Variants in LTBP3 observed in about 807,000 individuals in gnomAD.
The protein encoded by LTBP3 is latent-transforming growth factor beta-binding protein 3.
Under a neutral mutation model 159.7 loss-of-function variants are expected in LTBP3, and 97 were observed. That is an observed-to-expected ratio of 0.61 (90% CI 0.52 to 0.72). The LOEUF (loss-of-function observed/expected upper bound fraction) is 0.72. Ranked by LOEUF, LTBP3 falls within the 30% of genes least tolerant of loss-of-function variation. LTBP3 has a pLI of 0.00. For missense variants in LTBP3, 1,584 were observed against 1,864.3 expected, an observed-to-expected ratio of 0.85 and a Z score of 2.77; for synonymous variants, 824 against 777.1, an observed-to-expected ratio of 1.06 and a Z score of -1.00.
chr11:65,555,876 T>TATCC (rs1175414733), intron 1 of LTBP3, among the ~76,000 whole-genome samples: 1 of 152,100 alleles, frequency 6.6e-6, no homozygotes, highest in Non-Finnish European at 1.5e-5. Context: ...GGACAGCCCA[T>TATCC]ATCCATGGCC....
At chr11:65,544,858 A>G (rs1856300404) in intron 16 of LTBP3, 1 of 151,438 alleles carries the variant, frequency 6.6e-6, no homozygotes, top group African/African-American at 2.4e-5. Context: ...CTCCTGGTCC[A>G]CTCTCCTGGC....
In LTBP3 at chr11:65,541,804, G is replaced by A; in HGVS notation, c.2597-76C>T. 4 of 1,552,654 alleles carry A rather than the reference G, an allele frequency of 2.6e-6. No individual in the cohort carries two copies. In the East Asian group the frequency reaches 6.9e-5, roughly 27 times the overall value. On this transcript the variant is annotated intron_variant, in intron 18 of 27. Coordinates refer to ENST00000301873, the MANE Select transcript of LTBP3 (RefSeq NM_001130144.3). Reference sequence around the variant, plus strand: ...GCTGCACCTCAAGGGCCTCACACAAGTTCAGAACCTGAATTTCCACTTTGG... The same window carrying A: ...GCTGCACCTCAAGGGCCTCACACAAATTCAGAACCTGAATTTCCACTTTGG...
At chr11:65,539,300 C>T (rs1590754880) in intron 27 of LTBP3, 28 bp downstream of exon 27, 1 of 1,510,866 alleles carries the variant, frequency 6.6e-7, no homozygotes, top group East Asian at 2.7e-5. Context: ...GGCCCCGCCC[C>T]TGCCCCCACC....
chr11:65,546,643 C>T lies in LTBP3; in HGVS notation c.2231-79G>A. The stretch of plus-strand genomic sequence containing the variant: ...CACCTCGCGGGGGTGTGGGTCTCTT[C>T]CCTGGAACGCGGGGTTGAGAGGGCA... On this transcript the variant is annotated intron_variant, in intron 15 of 27. Transcript: ENST00000301873. The surrounding 1 kb of genome is among the most constrained non-coding windows in gnomAD (Gnocchi z 4.0). 6.3e-7 allele frequency: 1 copy of T among 1,586,844 alleles called. No individual in the cohort carries two copies. Among genetic ancestry groups the T allele is most frequent in the Admixed American group, 1.7e-5 (1 of 58,822 alleles).
Position 65,554,386 on chromosome 11 carries a change from G to A in LTBP3, c.332-6C>T, listed in dbSNP as rs756329135. On this transcript the variant is annotated splice_polypyrimidine_tract_variant and splice_region_variant and intron_variant, in intron 1 of 27. Coordinates refer to ENST00000301873, the MANE Select transcript of LTBP3 (RefSeq NM_001130144.3). The surrounding 1 kb of genome is among the most constrained non-coding windows in gnomAD (Gnocchi z 5.3). ...GCAGGGGAGAGGGCACACCACTGGG[G>A]AGAAGAGTGGGGTCAGGCCCTCACC... 76 of 1,608,614 alleles carry A rather than the reference G, an allele frequency of 4.7e-5. No homozygotes were observed. The highest frequency in any genetic ancestry group is 6.2e-5 in the Non-Finnish European group (73 of 1,177,810).
chr11:65,538,576 G>A lies in LTBP3; in HGVS notation c.*504C>T, dbSNP rs1855854886. 1 of 1,607,696 alleles carries A rather than the reference G, an allele frequency of 6.2e-7. No homozygotes were observed. Among genetic ancestry groups the A allele is most frequent in the Non-Finnish European group, 8.5e-7 (1 of 1,177,184 alleles). On this transcript the variant is annotated 3_prime_UTR_variant, in exon 28 of 28. Coordinates refer to ENST00000301873, the MANE Select transcript of LTBP3 (RefSeq NM_001130144.3). Reference sequence around the variant, plus strand: ...CCGGAAGCTGGACTGAACCGTGGCGGTGGCCCTTCCCGGCTGCGGAGAGCC... The same window carrying A: ...CCGGAAGCTGGACTGAACCGTGGCGATGGCCCTTCCCGGCTGCGGAGAGCC...
rs371172556 is a variant in LTBP3, at chr11:65,553,270, A to G, written c.971-14T>C. The G allele has an allele frequency of 3.7e-6, 6 of 1,609,808 alleles. No individual in the cohort carries two copies. The African/African-American group carries it at 8.0e-5, about 22-fold the overall frequency. On this transcript the variant is annotated splice_polypyrimidine_tract_variant and intron_variant, in intron 4 of 27. Transcript: ENST00000301873. The surrounding 1 kb of genome is among the most constrained non-coding windows in gnomAD (Gnocchi z 6.5). The stretch of plus-strand genomic sequence containing the variant: ...GCACTCCTGTGTCTGCAGAGAGAGG[A>G]TAGCTTGGCAGGGGAGGGTGAGGAG...
chr11:65,543,473 C>A lies in LTBP3; in HGVS notation c.2430G>T (p.Gln810His), dbSNP rs1284246977. The change falls in exon 17 of 28, where the codon CAG becomes CAT. Residue 810 changes from glutamine (Q) to histidine (H), a missense_variant. Transcript: ENST00000301873. ...CSNTPGSFQC[Q>H]CLSGYHLSRD... ...TGGACAGATGGTAGCCAGAGAGGCACTGACACTGGAAAGATCCTGGCGTGT... is the reference window on the plus strand; with the variant it reads ...TGGACAGATGGTAGCCAGAGAGGCAATGACACTGGAAAGATCCTGGCGTGT... 2 of 1,614,144 alleles carry A rather than the reference C, an allele frequency of 1.2e-6. No individual in the cohort carries two copies. The highest frequency in any genetic ancestry group is 1.7e-6 in the Non-Finnish European group (2 of 1,179,992).
In LTBP3 at chr11:65,543,450, G is replaced by C; in HGVS notation, c.2453C>G (p.Ser818Cys). The change falls in exon 17 of 28, where the codon TCC becomes TGC. Residue 818 changes from serine (S) to cysteine (C), a missense_variant. Physicochemically the swap from Ser to Cys is moderately radical, Grantham distance 112. Coordinates refer to ENST00000301873, the MANE Select transcript of LTBP3 (RefSeq NM_001130144.3). ...QCQCLSGYHL[S>C]RDRSHCEDID... is the part of the protein sequence containing the mutation. ...ACCCTCGCAGTGGCTCCGGTCCCTG[G>C]ACAGATGGTAGCCAGAGAGGCACTG... The C allele has an allele frequency of 6.2e-7, 1 of 1,614,112 alleles. No individual in the cohort carries two copies.
chr11:65,546,242 A>G lies in LTBP3; in HGVS notation c.2353+200T>C. 1.6e-6 allele frequency: 1 copy of G among 644,592 alleles called. No homozygotes were observed. The highest frequency in any genetic ancestry group is 2.5e-6 in the Non-Finnish European group (1 of 393,462). The allele number at this position is 644,592 out of a possible 1,614,324, so 39.9% of individuals were successfully genotyped here. A position where few individuals can be genotyped will look rare whatever the true frequency, so the allele number is the denominator to read the frequency against. On this transcript the variant is annotated intron_variant, in intron 16 of 27. Transcript: ENST00000301873. The surrounding 1 kb of genome is among the most constrained non-coding windows in gnomAD (Gnocchi z 4.0). Reference sequence around the variant, plus strand: ...AACATGCTTTGCAAACGCAGCTTCGAGCTCTACCCCGAGACCCTTCCTACG... The same window carrying G: ...AACATGCTTTGCAAACGCAGCTTCGGGCTCTACCCCGAGACCCTTCCTACG...
Position 65,539,703 on chromosome 11 carries a change from C to T in LTBP3, c.3547+17G>A. 1 of 1,563,306 alleles carries T rather than the reference C, an allele frequency of 6.4e-7. No individual in the cohort carries two copies. The highest frequency in any genetic ancestry group is 8.6e-7 in the Non-Finnish European group (1 of 1,161,432). ...CCCCATCCTCGCTCCCGGCCAACTC[C>T]TCCCCGACTGCCTTACCCGCGCCGC... On this transcript the variant is annotated intron_variant, in intron 25 of 27. Coordinates refer to ENST00000301873, the MANE Select transcript of LTBP3 (RefSeq NM_001130144.3).
At chr11:65,551,603 G>A (rs751107548) in intron 8 of LTBP3, 39 bp from the exon 9 acceptor site, 58 of 1,613,510 alleles carry the variant, frequency 3.6e-5, no homozygotes, top group East Asian at 4.5e-5. Flanking sequence ...GTGTTGGGGC[G>A]GGAGAAGGGA....
Position 65,553,360 on chromosome 11 carries a change from G to T in LTBP3, c.970+65C>A. ...GGTGACCTGGGGACTCCCACTGCAG[G>T]GATGGGTGGGGTGGGTGGGGAGGGG... On this transcript the variant is annotated intron_variant, in intron 4 of 27. Transcript: ENST00000301873. This position sits in a 1 kb window ranked among gnomAD's most constrained non-coding sequence, Gnocchi z 6.5. 1.5e-6 allele frequency: 2 copies of T among 1,293,352 alleles called. No homozygotes were observed. The highest frequency in any genetic ancestry group is 2.2e-6 in the Non-Finnish European group (2 of 900,382). 80.1% of individuals were successfully genotyped at this position (1,293,352 alleles called of 1,614,324 possible).
rs1856450755 is a variant in LTBP3 at position 65,547,965 on chromosome 11, A to G, written c.1801T>C (p.Cys601Arg). ...VPGPPDYSCH[C>R]NPGYRSHPQH... ...GGATGTGACCGGTAGCCGGGGTTGC[A>G]GTGGCAGGAGTAGTCAGGGGGGCCC... is the stretch of plus-strand genomic sequence containing the variant. The change falls in exon 12 of 28, where the codon TGC becomes CGC. Residue 601 changes from cysteine to arginine, a missense_variant. Around this residue, in one of 6 missense-constraint regions of LTBP3, gnomAD observed 565 missense variants for 677.7 expected, o/e 0.83. Coordinates refer to ENST00000301873, the MANE Select transcript of LTBP3 (RefSeq NM_001130144.3). The surrounding 1 kb of genome is among the most constrained non-coding windows in gnomAD (Gnocchi z 4.6). 1 of 1,613,734 alleles carries G rather than the reference A, an allele frequency of 6.2e-7. No individual in the cohort carries two copies. Among genetic ancestry groups the G allele is most frequent in the East Asian group, 2.2e-5 (1 of 44,886 alleles).
rs1856362077 is a variant in LTBP3, at chr11:65,546,269, G to A, written c.2353+173C>T. On this transcript the variant is annotated intron_variant, in intron 16 of 27. Transcript: ENST00000301873. This position sits in a 1 kb window ranked among gnomAD's most constrained non-coding sequence, Gnocchi z 4.0. ...CTCTACCCCGAGACCCTTCCTACGT[G>A]GAAATTCTAGTGGTGCCTTCCTTGG... 7.4e-6 allele frequency: 6 copies of A among 815,598 alleles called. No individual in the cohort carries two copies. Among genetic ancestry groups the A allele is most frequent in the South Asian group, 5.8e-5 (3 of 51,738 alleles). 50.5% of individuals were successfully genotyped at this position (815,598 alleles called of 1,614,324 possible).
chr11:65,555,713 C>A (rs1856785347), intron 1 of LTBP3, among the ~76,000 whole-genome samples: 1 of 152,186 alleles, frequency 6.6e-6, no homozygotes, highest in South Asian at 2.1e-4. Flanking sequence ...CCCATACTCA[C>A]CTTCAACCTG....
At position 65,547,640 on chromosome 11, in the gene LTBP3, G is replaced by A; in HGVS notation, c.1978+50C>T. Reference sequence around the variant, plus strand: ...AAGGGGAGGGATTACACGGCGGTCTGGAGGAGAGCCCGTCCCACCCAGGGC... The same window carrying A: ...AAGGGGAGGGATTACACGGCGGTCTAGAGGAGAGCCCGTCCCACCCAGGGC... On this transcript the variant is annotated intron_variant, in intron 13 of 27. Coordinates refer to ENST00000301873, the MANE Select transcript of LTBP3 (RefSeq NM_001130144.3). This position sits in a 1 kb window ranked among gnomAD's most constrained non-coding sequence, Gnocchi z 4.6. 1 of 1,608,400 alleles carries A rather than the reference G, an allele frequency of 6.2e-7. No individual in the cohort carries two copies. The highest frequency in any genetic ancestry group is 8.5e-7 in the Non-Finnish European group (1 of 1,178,460).
At position 65,546,665 on chromosome 11, in the gene LTBP3, G is replaced by A. The variant is rs1388189612; in HGVS notation, c.2231-101C>T. ...CTTCCCTGGAACGCGGGGTTGAGAG[G>A]GCAGCCTCTACTCCCGGAAGGCCCC... On this transcript the variant is annotated intron_variant, in intron 15 of 27. Transcript: ENST00000301873. The surrounding 1 kb of genome is among the most constrained non-coding windows in gnomAD (Gnocchi z 4.0). The A allele has an allele frequency of 1.3e-6, 2 of 1,563,026 alleles. No homozygotes were observed. Among genetic ancestry groups the A allele is most frequent in the South Asian group, 1.1e-5 (1 of 87,690 alleles).
In LTBP3 at chr11:65,554,436, C is replaced by G; in HGVS notation, c.332-56G>C. ...CCACATCCTGTCTCTTTCCCCTCCT[C>G]CCTACTTCCTTGCCACCCACTGGCT... is the stretch of plus-strand genomic sequence containing the variant. On this transcript the variant is annotated intron_variant, in intron 1 of 27. Transcript: ENST00000301873. The surrounding 1 kb of genome is among the most constrained non-coding windows in gnomAD (Gnocchi z 5.3). 1 of 1,424,728 alleles carries G rather than the reference C, an allele frequency of 7.0e-7. No homozygotes were observed. The highest frequency in any genetic ancestry group is 9.7e-7 in the Non-Finnish European group (1 of 1,034,938). 88.3% of individuals were successfully genotyped at this position (1,424,728 alleles called of 1,614,324 possible).
Sources: allele counts gnomAD v4.1 joint callset (sites outside exome capture counted in the v4.1 genomes callset), GRCh38; gene constraint gnomAD v4.1.1; regional missense constraint gnomAD v4.1.1; non-coding constraint Gnocchi (gnomAD v3.1); transcripts MANE v1.5; gene names NCBI Gene and HGNC (gene_info 2026-07-23, HGNC 2026-07-21).